GPC5: variants seen among roughly 807,000 people sequenced by gnomAD.
GPC5 encodes glypican 5, also known as glypican-5.
Under a neutral mutation model 53.9 loss-of-function variants are expected in GPC5, and 47 were observed. That is an observed-to-expected ratio of 0.87 (90% CI 0.69 to 1.11). The LOEUF is 1.11. Ranked by LOEUF, GPC5 falls within the 50% of genes most tolerant of loss-of-function variation. GPC5 has a pLI of 0.00. For missense variants in GPC5, 748 were observed against 713.1 expected (o/e 1.05, Z -0.56); for synonymous variants, 286 against 263.3 (o/e 1.09, Z -0.84).
intron 2 of GPC5, among the ~76,000 whole-genome samples, chr13:91,650,750 G>GTTTTGTTTTGTTTTTTTTTT (rs1555333961): frequency 1.3e-4 from 13 of 99,602 alleles, no homozygotes; most frequent in African/African-American, 5.3e-4. Context: ...ATTCCCATAA[G>GTTTTGTTTTGTTTTTTTTTT]TTTTTTTTTT....
chr13:91,614,236 G>T (rs897746350), intron 2 of GPC5, among the ~76,000 whole-genome samples: 1 of 152,160 alleles, frequency 6.6e-6, no homozygotes, highest in Non-Finnish European at 1.5e-5. Flanking sequence ...CCTATTCTCT[G>T]TAATATGAAG....
intron 5 of GPC5, among the ~76,000 whole-genome samples, chr13:91,861,992 A>C (rs537436987): frequency 6.6e-6 from 1 of 152,010 alleles, no homozygotes; most frequent in African/African-American, 2.4e-5. Flanking sequence ...TTGTTTTAGT[A>C]TAAATTTTTC....
At position 92,243,818 on chromosome 13, in the gene GPC5, G is replaced by A. The variant is rs117140146; in HGVS notation, c.1561+98829G>A. Among the ~76,000 whole-genome samples, 66 of 152,250 alleles carry A rather than the reference G, an allele frequency of 4.3e-4. No individual in the cohort carries two copies. The East Asian group carries it at 8.9e-3, about 20-fold the overall frequency. On this transcript the variant is annotated intron_variant, in intron 7 of 7. Transcript: ENST00000377067. ...TTTTAAAACCTGAGAGTAGATCTGT[G>A]CATGTAAGGAAAGAGTACAGCTAAA...
intron 6 of GPC5, among the ~76,000 whole-genome samples, chr13:92,062,967 C>T (rs961102410): frequency 7.2e-5 from 11 of 151,746 alleles, no homozygotes; most frequent in Non-Finnish European, 1.3e-4. Flanking sequence ...AATGATTTTT[C>T]GTAAGGGCTT....
chr13:92,667,305 G>T (rs1886609002), intron 7 of GPC5, among the ~76,000 whole-genome samples: 1 of 152,162 alleles, frequency 6.6e-6, no homozygotes, highest in South Asian at 2.1e-4. Context: ...AGAGGGAGAC[G>T]AATTGGAGGA....
intron 2 of GPC5, among the ~76,000 whole-genome samples, chr13:91,488,973 T>C (rs1413053290): frequency 6.6e-6 from 1 of 152,200 alleles, no homozygotes; most frequent in East Asian, 1.9e-4. Context: ...AGCTGTGGGA[T>C]GAAATAAGCC....
rs558001965 is a variant in GPC5, at chr13:92,801,349, G to GTGGCATCTTAGCTGTTT, written c.1562-64932_1562-64931insGGCATCTTAGCTGTTTT. Among the ~76,000 whole-genome samples the GTGGCATCTTAGCTGTTT allele has an allele frequency of 2.1e-3, 316 of 151,802 alleles. 1 individual carries two copies. Among genetic ancestry groups the GTGGCATCTTAGCTGTTT allele is most frequent in the African/African-American group, 7.4e-3 (306 of 41,482 alleles). On this transcript the variant is annotated intron_variant, in intron 7 of 7. Coordinates refer to ENST00000377067, the MANE Select transcript of GPC5 (RefSeq NM_004466.6). Reference sequence around the variant, plus strand: ...ATTGCCTGGTGGCATCTTAGCTGTTGTAACATCTTAGCACAGCACATTACC... The same window carrying GTGGCATCTTAGCTGTTT: ...ATTGCCTGGTGGCATCTTAGCTGTTGTGGCATCTTAGCTGTTTTAACATCTTAGCACAGCACATTACC...
chr13:91,729,147 TAAG>T (rs769257337), intron 4 of GPC5, among the ~76,000 whole-genome samples: 6 of 152,334 alleles, frequency 3.9e-5, no homozygotes, highest in Non-Finnish European at 5.9e-5. Context: ...AAAAGTTGAA[TAAG>T]AAGAAGTTTT....
intron 7 of GPC5, among the ~76,000 whole-genome samples, chr13:92,185,728 A>G (rs2042179220): frequency 6.6e-6 from 1 of 152,136 alleles, no homozygotes; most frequent in Non-Finnish European, 1.5e-5. Context: ...AGATTGAAAA[A>G]TTGTTCTACA....
chr13:92,347,874 A>AC (rs1484519798), intron 7 of GPC5, among the ~76,000 whole-genome samples: 1 of 6,646 alleles, frequency 1.5e-4, no homozygotes, highest in Admixed American at 3.0e-3. Context: ...TTATATATAT[A>AC]ATATATATTA....
In GPC5 at chr13:91,516,036, A is replaced by G. The variant is rs117717173; in HGVS notation, c.325+67114A>G. ...AGGAAAGACTGGCCCCCCATGATTC[A>G]ATACCTCCCCCTTGGTCCCTCCCAC... is the stretch of plus-strand genomic sequence containing the variant. On this transcript the variant is annotated intron_variant, in intron 2 of 7. Transcript: ENST00000377067. 8.0e-3 allele frequency among the ~76,000 whole-genome samples: 1,218 copies of G among 152,178 alleles called. 9 individuals are homozygous for G. The highest frequency in any genetic ancestry group is 0.02 in the Middle Eastern group (6 of 294).
chr13:92,322,245 G>A (rs534264587), intron 7 of GPC5, among the ~76,000 whole-genome samples: 1 of 150,468 alleles, frequency 6.6e-6, no homozygotes, highest in East Asian at 1.9e-4. Context: ...AGATGAGCAA[G>A]CAAGTAACCA....
chr13:92,378,013 CTCTT>C (rs1408599711), intron 7 of GPC5, among the ~76,000 whole-genome samples: 3 of 152,168 alleles, frequency 2.0e-5, no homozygotes, highest in Non-Finnish European at 2.9e-5. Flanking sequence ...TATATTCTCT[CTCTT>C]TCTCTTTACC....
In GPC5 at chr13:91,572,215, A is replaced by ATATATATACACATATGTATATACGTG; in HGVS notation, c.326-120949_326-120948insGTGTATATATACACATATGTATATAC. ...CACACACATATGTATATATACGTGT[A>ATATATATACACATATGTATATACGTG]TATATATACACATATGTATATACAT... On this transcript the variant is annotated intron_variant, in intron 2 of 7. Coordinates refer to ENST00000377067, the MANE Select transcript of GPC5 (RefSeq NM_004466.6). 4.2e-5 allele frequency among the ~76,000 whole-genome samples: 2 copies of ATATATATACACATATGTATATACGTG among 47,536 alleles called. 1 individual carries two copies. The highest frequency in any genetic ancestry group is 1.5e-3 in the South Asian group (2 of 1,346). The allele number at this position is 47,536 out of a possible 152,430, so 31.2% of individuals were successfully genotyped here.
chr13:92,200,907 A>G (rs2042289485), intron 7 of GPC5, among the ~76,000 whole-genome samples: 1 of 152,146 alleles, frequency 6.6e-6, no homozygotes, highest in South Asian at 2.1e-4. Context: ...TGAAGAATTC[A>G]GGACACATTT....
chr13:92,791,318 A>G (rs894765751), intron 7 of GPC5, among the ~76,000 whole-genome samples: 3 of 151,988 alleles, frequency 2.0e-5, no homozygotes, highest in African/African-American at 7.2e-5. Context: ...AAAATGAGTT[A>G]AAGAGTTGCC....
chr13:91,993,368 TC>T (rs1053072919), intron 6 of GPC5, among the ~76,000 whole-genome samples: 3 of 152,122 alleles, frequency 2.0e-5, no homozygotes, highest in African/African-American at 7.2e-5. Flanking sequence ...CTTTTTTTTT[TC>T]CTCCAGAAAT....
At chr13:91,483,057 C>G (rs1883392211) in intron 2 of GPC5, among the ~76,000 whole-genome samples, 1 of 152,040 alleles carries the variant, frequency 6.6e-6, no homozygotes, top group Non-Finnish European at 1.5e-5. Flanking sequence ...CACAGTTTCC[C>G]AAGATCCATA....
chr13:92,533,513 T>TA (rs1881629044), intron 7 of GPC5, among the ~76,000 whole-genome samples: 1 of 152,154 alleles, frequency 6.6e-6, no homozygotes, highest in Non-Finnish European at 1.5e-5. Context: ...CCGTATAATA[T>TA]AGCTTTGGAT....
Sources: gnomAD v4.1 joint callset for allele counts (sites outside exome capture counted in the v4.1 genomes callset) on GRCh38, gnomAD v4.1.1 for gene constraint, MANE v1.5 for transcripts, NCBI Gene and HGNC (gene_info 2026-07-23, HGNC 2026-07-21) for gene names.